Variants in CYRIB observed in about 807,000 individuals in gnomAD.
The protein encoded by CYRIB is CYFIP related Rac1 interactor B, also known as CYFIP-related Rac1 interactor B.
Under a neutral mutation model 44.2 loss-of-function variants are expected in CYRIB, and 8 were observed. The ratio of observed to expected loss-of-function variants is 0.18; its 90% CI spans 0.11 to 0.33. The LOEUF (loss-of-function observed/expected upper bound fraction) is 0.33, where lower values mean the gene tolerates loss of function less well. CYRIB is among the 10% of genes least tolerant of loss of function. The pLI is 1.00. For synonymous variants in CYRIB, 131 were observed against 127.2 expected, an observed-to-expected ratio of 1.03 and a Z score of -0.20; for missense variants, 185 against 382.8, an observed-to-expected ratio of 0.48 and a Z score of 4.31.
intron 1 of CYRIB, among the ~76,000 whole-genome samples, chr8:129,927,793 T>C (rs2088791760): frequency 6.6e-6 from 1 of 152,190 alleles, no homozygotes; most frequent in South Asian, 2.1e-4. Flanking sequence ...CATGTGGTAC[T>C]AGCAGAATGA....
At chr8:130,013,453 A>T (rs1357092740) in intron 1 of CYRIB, among the ~76,000 whole-genome samples, 1 of 152,146 alleles carries the variant, frequency 6.6e-6, no homozygotes, top group East Asian at 1.9e-4. Context: ...GAGTGTAGTG[A>T]CCTCTAGAAG....
intron 2 of CYRIB, chr8:129,890,387 A>G (rs1466776757): frequency 6.6e-6 from 1 of 152,262 alleles, no homozygotes; most frequent in Non-Finnish European, 1.5e-5. Flanking sequence ...ACCCTCCACT[A>G]GCAAAAAGGT....
At position 129,855,763 on chromosome 8, in the gene CYRIB, G is replaced by A. The variant is rs1487507581; in HGVS notation, c.302-16C>T. 34 of 1,578,832 alleles carry A rather than the reference G, an allele frequency of 2.2e-5. No individual in the cohort carries two copies. In the Admixed American group the frequency reaches 3.6e-4, roughly 17 times the overall value. On this transcript the variant is annotated splice_polypyrimidine_tract_variant and intron_variant, in intron 5 of 11. Coordinates refer to ENST00000519824, the Ensembl canonical transcript of CYRIB. Reference sequence around the variant, plus strand: ...AATGCTGCTTCTAAAGAAAAAAATTGAAAAAAACATTAAGTTGTTTGTATC... The same window carrying A: ...AATGCTGCTTCTAAAGAAAAAAATTAAAAAAAACATTAAGTTGTTTGTATC...
chr8:129,936,948 C>T (rs924853455), intron 1 of CYRIB, among the ~76,000 whole-genome samples: 4 of 152,064 alleles, frequency 2.6e-5, no homozygotes, highest in African/African-American at 9.7e-5. Context: ...ACCTCGTGAT[C>T]CGCCCGCCTC....
intron 3 of CYRIB, among the ~76,000 whole-genome samples, chr8:129,873,139 TAAG>T (rs1246388457): frequency 1.3e-5 from 2 of 151,974 alleles, no homozygotes; most frequent in Non-Finnish European, 2.9e-5. Context: ...AAAGTCAACT[TAAG>T]AATGTGTTTA....
At position 129,936,920 on chromosome 8, in the gene CYRIB, G is replaced by A. The variant is rs186128428; in HGVS notation, c.-50+2688C>T. ...GACGGGGTTTCACCATGTTAGCCAG[G>A]ATGGTCTCGATCTCCTGACCTCGTG... On this transcript the variant is annotated intron_variant, in intron 1 of 11. Transcript: ENST00000519824. Among the ~76,000 whole-genome samples the A allele has an allele frequency of 1.6e-4, 24 of 152,072 alleles. No homozygotes were observed. In the East Asian group the frequency reaches 4.2e-3, roughly 27 times the overall value.
chr8:129,941,749 T>C (rs951538455), upstream of CYRIB, among the ~76,000 whole-genome samples: 2 of 152,172 alleles, frequency 1.3e-5, no homozygotes, highest in South Asian at 4.1e-4. Context: ...CCCTTAGATA[T>C]GAGCTCTGAG....
intron 1 of CYRIB, among the ~76,000 whole-genome samples, chr8:129,930,188 G>C (rs992555692): frequency 6.6e-6 from 1 of 151,380 alleles, no homozygotes; most frequent in Non-Finnish European, 1.5e-5. Flanking sequence ...TCCAGCCTGA[G>C]TGACAGAGCG....
At chr8:129,857,513 C>T (rs1393228199) in intron 5 of CYRIB, among the ~76,000 whole-genome samples, 3 of 152,202 alleles carry the variant, frequency 2.0e-5, no homozygotes, top group Admixed American at 2.0e-4. Context: ...ATGATTCATA[C>T]ACATGTAATT....
At chr8:129,843,404 G>A (rs1419511075) in intron 11 of CYRIB, among the ~76,000 whole-genome samples, 1 of 152,204 alleles carries the variant, frequency 6.6e-6, no homozygotes, top group African/African-American at 2.4e-5. Flanking sequence ...TTAAATAAGG[G>A]GGCTGTTACT....
intron 1 of CYRIB, among the ~76,000 whole-genome samples, chr8:129,971,625 C>T (rs2132207807): frequency 6.6e-6 from 1 of 152,244 alleles, no homozygotes; most frequent in East Asian, 1.9e-4. Flanking sequence ...GTGGGGCCAG[C>T]GCTATCCATG....
chr8:129,997,332 C>A (rs1324996809), intron 1 of CYRIB, among the ~76,000 whole-genome samples: 1 of 152,162 alleles, frequency 6.6e-6, no homozygotes, highest in Non-Finnish European at 1.5e-5. Context: ...GAGAAACAGA[C>A]AGAATGAGCC....
At chr8:129,844,631 C>A (rs557145978) in intron 11 of CYRIB, 1 of 152,108 alleles carries the variant, frequency 6.6e-6, no homozygotes, top group African/African-American at 2.4e-5. Context: ...TGACTTGATG[C>A]CTTCTCTTAG....
chr8:130,002,956 T>C (rs2096940872), intron 1 of CYRIB, among the ~76,000 whole-genome samples: 1 of 152,176 alleles, frequency 6.6e-6, no homozygotes, highest in Non-Finnish European at 1.5e-5. Context: ...ATGAGCCAGG[T>C]ATGGTGGCAG....
In CYRIB at chr8:130,010,835, C is replaced by CCACTG. The variant is rs578074419; in HGVS notation, c.-296+5530_-296+5534dup. Among the ~76,000 whole-genome samples the CCACTG allele has an allele frequency of 1.2e-4, 19 of 152,222 alleles. No individual in the cohort carries two copies. The South Asian group carries it at 2.9e-3, about 23-fold the overall frequency. On this transcript the variant is annotated intron_variant, in intron 1 of 14. Coordinates refer to the CYRIB transcript ENST00000401979. ...GGGTCAGGTTGGATGATCTCCTGGC[C>CCACTG]CACTGCACTCAAAGTATGGTCTACA...
chr8:129,952,262 T>C (rs1467034954), intron 2 of CYRIB, among the ~76,000 whole-genome samples: 2 of 152,150 alleles, frequency 1.3e-5, no homozygotes, highest in Admixed American at 1.3e-4. Flanking sequence ...GGTTTCTCCA[T>C]GTTGGTCAGG....
At chr8:129,917,489 T>C (rs1361678503) in intron 1 of CYRIB, among the ~76,000 whole-genome samples, 3 of 152,124 alleles carry the variant, frequency 2.0e-5, no homozygotes, top group East Asian at 1.9e-4. Context: ...TTAGTCTATA[T>C]CTGTAATTGT....
chr8:129,917,126 T>G (rs79733792), intron 1 of CYRIB, among the ~76,000 whole-genome samples: 2 of 152,204 alleles, frequency 1.3e-5, no homozygotes, highest in Admixed American at 6.5e-5. Flanking sequence ...ATCCACCATG[T>G]GGCAGATATT....
At chr8:129,870,001 A>C (rs1049325843) in intron 4 of CYRIB, among the ~76,000 whole-genome samples, 1 of 151,718 alleles carries the variant, frequency 6.6e-6, no homozygotes, top group Admixed American at 6.6e-5. Flanking sequence ...GGCGTTGAAG[A>C]AAAAAATGAA....
Sources: gnomAD v4.1 joint callset for allele counts (sites outside exome capture counted in the v4.1 genomes callset) on GRCh38, gnomAD v4.1.1 for gene constraint, MANE v1.5 for transcripts, NCBI Gene and HGNC (gene_info 2026-07-23, HGNC 2026-07-21) for gene names.